LRRTM4: variants seen among roughly 807,000 people sequenced by gnomAD.
LRRTM4 encodes leucine-rich repeat transmembrane neuronal protein 4.
LRRTM4 carries 25 observed loss-of-function variants against 47.6 expected under a neutral mutation model. That is an observed-to-expected ratio of 0.53 (90% CI 0.38 to 0.73). The LOEUF is 0.73. Among genes scored for constraint, LRRTM4 ranks in the 30% least tolerant of loss-of-function variants. LRRTM4 has a pLI of 0.00. For missense variants in LRRTM4, 638 were observed against 713.4 expected (o/e 0.89, Z 1.20); for synonymous variants, 311 against 269.5 (o/e 1.15, Z -1.51).
chr2:77,245,747 T>C (rs1675428568), intron 3 of LRRTM4, among the ~76,000 whole-genome samples: 1 of 152,098 alleles, frequency 6.6e-6, no homozygotes, highest in Admixed American at 6.6e-5. Flanking sequence ...ACATGTAGCA[T>C]GTGTGTTTAG....
chr2:77,300,333 G>C (rs1479609084), intron 3 of LRRTM4, among the ~76,000 whole-genome samples: 1 of 151,998 alleles, frequency 6.6e-6, no homozygotes, highest in Non-Finnish European at 1.5e-5. Flanking sequence ...TACTATCTAG[G>C]TGAAAAATTA....
At chr2:77,493,116 A>C (rs1678232871) in intron 3 of LRRTM4, among the ~76,000 whole-genome samples, 1 of 152,120 alleles carries the variant, frequency 6.6e-6, no homozygotes, top group Non-Finnish European at 1.5e-5. Flanking sequence ...GATCCGAAAC[A>C]TACTCGCCAA....
At chr2:76,763,313 G>A (rs1412555545) in intron 3 of LRRTM4, among the ~76,000 whole-genome samples, 2 of 152,126 alleles carry the variant, frequency 1.3e-5, no homozygotes, top group African/African-American at 2.4e-5. Flanking sequence ...TTTGGCAATG[G>A]GGCCTCTAAG....
chr2:77,236,116 G>A (rs1675097328), intron 3 of LRRTM4, among the ~76,000 whole-genome samples: 1 of 152,046 alleles, frequency 6.6e-6, no homozygotes, highest in East Asian at 1.9e-4. Context: ...GGGCAGTATG[G>A]TCATTGTAAT....
chr2:76,922,013 A>C (rs1214128173), intron 3 of LRRTM4, among the ~76,000 whole-genome samples: 1 of 152,280 alleles, frequency 6.6e-6, no homozygotes, highest in Non-Finnish European at 1.5e-5. Flanking sequence ...ATCTGTTGAC[A>C]GATTAATTAA....
At chr2:76,837,272 CTTT>C (rs199969020) in intron 3 of LRRTM4, among the ~76,000 whole-genome samples, 4 of 151,872 alleles carry the variant, frequency 2.6e-5, no homozygotes, top group Non-Finnish European at 5.9e-5. Context: ...ATTCTTCTCT[CTTT>C]TTTTATTAGT....
At chr2:76,800,840 A>G (rs1216828059) in intron 3 of LRRTM4, among the ~76,000 whole-genome samples, 3 of 150,814 alleles carry the variant, frequency 2.0e-5, no homozygotes, top group Non-Finnish European at 4.4e-5. Flanking sequence ...GCAGCCAAAA[A>G]ACACATGAAA....
chr2:76,841,707 T>C (rs1436358122), intron 3 of LRRTM4, among the ~76,000 whole-genome samples: 3 of 147,146 alleles, frequency 2.0e-5, no homozygotes, highest in Admixed American at 2.0e-4. Context: ...TATAAAAGAA[T>C]TCAAGACAAA....
At chr2:76,839,440 A>G (rs992963249) in intron 3 of LRRTM4, among the ~76,000 whole-genome samples, 2 of 152,150 alleles carry the variant, frequency 1.3e-5, no homozygotes, top group Non-Finnish European at 2.9e-5. Context: ...AAATCAATGC[A>G]TTACTTTTGC....
In LRRTM4 at chr2:76,942,958, TA is replaced by T. The variant is rs767518709; in HGVS notation, c.1552-194043del. Reference sequence around the variant, plus strand: ...TTCAAGATTATTTATCATTTAGTCTTAAACTACGTTTCCTAGTCCTTTTCCC... The same window carrying T: ...TTCAAGATTATTTATCATTTAGTCTTAACTACGTTTCCTAGTCCTTTTCCC... On this transcript the variant is annotated intron_variant, in intron 3 of 3. Coordinates refer to ENST00000409884, the MANE Select transcript of LRRTM4 (RefSeq NM_001134745.3). 5.9e-5 allele frequency among the ~76,000 whole-genome samples: 9 copies of T among 152,304 alleles called. No homozygotes were observed. The East Asian group carries it at 1.5e-3, about 26-fold the overall frequency.
chr2:77,096,994 GA>G, intron 3 of LRRTM4, among the ~76,000 whole-genome samples: 1 of 151,558 alleles, frequency 6.6e-6, no homozygotes. Context: ...TATTTATAAT[GA>G]ACACAACAAA....
intron 3 of LRRTM4, among the ~76,000 whole-genome samples, chr2:77,272,104 T>C (rs1038875997): frequency 6.6e-6 from 1 of 152,170 alleles, no homozygotes; most frequent in Non-Finnish European, 1.5e-5. Flanking sequence ...CATCTCTCCT[T>C]TCTTCTCAGT....
At chr2:77,509,770 C>A (rs1678914101) in intron 3 of LRRTM4, among the ~76,000 whole-genome samples, 1 of 151,932 alleles carries the variant, frequency 6.6e-6, no homozygotes, top group African/African-American at 2.4e-5. Context: ...AAGTTATTAT[C>A]CTAGTCCAAT....
intron 3 of LRRTM4, among the ~76,000 whole-genome samples, chr2:76,785,656 T>G (rs1232060944): frequency 1.3e-5 from 2 of 152,160 alleles, no homozygotes; most frequent in East Asian, 3.8e-4. Flanking sequence ...AGATAGTATA[T>G]GTTAAGATAT....
At chr2:77,327,807 A>C (rs1670833147) in intron 3 of LRRTM4, among the ~76,000 whole-genome samples, 1 of 152,178 alleles carries the variant, frequency 6.6e-6, no homozygotes, top group African/African-American at 2.4e-5. Context: ...AGTATGACTT[A>C]GAAAAAAAGG....
At chr2:77,258,143 AAAC>A (rs1305592422) in intron 3 of LRRTM4, among the ~76,000 whole-genome samples, 1 of 151,970 alleles carries the variant, frequency 6.6e-6, no homozygotes, top group Non-Finnish European at 1.5e-5. Flanking sequence ...GACTACGAAG[AAAC>A]ACCACCACAC....
At chr2:77,472,593 G>C (rs1216213639) in intron 3 of LRRTM4, among the ~76,000 whole-genome samples, 1 of 151,926 alleles carries the variant, frequency 6.6e-6, no homozygotes, top group African/African-American at 2.4e-5. Flanking sequence ...TCTATACCAA[G>C]AATGTAGCAG....
intron 3 of LRRTM4, among the ~76,000 whole-genome samples, chr2:77,072,179 T>G (rs1680175958): frequency 6.6e-6 from 1 of 152,076 alleles, no homozygotes; most frequent in Non-Finnish European, 1.5e-5. Context: ...TAATTTAAGA[T>G]CCCAGATTGA....
At chr2:76,935,369 T>C (rs1241845731) in intron 3 of LRRTM4, among the ~76,000 whole-genome samples, 1 of 152,162 alleles carries the variant, frequency 6.6e-6, no homozygotes, top group Admixed American at 6.5e-5. Context: ...TTAAAGTAGT[T>C]TTTTTCAATT....
Sources: gnomAD v4.1 joint callset for allele counts (sites outside exome capture counted in the v4.1 genomes callset) on GRCh38, gnomAD v4.1.1 for gene constraint, MANE v1.5 for transcripts, NCBI Gene and HGNC (gene_info 2026-07-23, HGNC 2026-07-21) for gene names.